Variants in ZFAND3 observed in about 807,000 individuals in gnomAD.
The protein encoded by ZFAND3 is AN1-type zinc finger protein 3.
Under a neutral mutation model 29.6 loss-of-function variants are expected in ZFAND3, and 10 were observed. The ratio of observed to expected loss-of-function variants is 0.34; its 90% CI spans 0.21 to 0.57. ZFAND3 has a LOEUF of 0.57. ZFAND3 is among the 20% of genes least tolerant of loss of function. The pLI is 0.86. For missense variants in ZFAND3, 230 were observed against 304.5 expected (o/e 0.76, Z 1.82); for synonymous variants, 128 against 112.6 (o/e 1.14, Z -0.87).
intron 2 of ZFAND3, among the ~76,000 whole-genome samples, chr6:38,054,964 G>A (rs962315811): frequency 2.6e-5 from 4 of 152,106 alleles, no homozygotes; most frequent in African/African-American, 9.7e-5. Context: ...GGTTGAGATG[G>A]GGGTGGGGGA....
At chr6:38,076,047 C>T (rs572134388) in intron 3 of ZFAND3, among the ~76,000 whole-genome samples, 27 of 152,134 alleles carry the variant, frequency 1.8e-4, no homozygotes, top group Non-Finnish European at 2.6e-4. Context: ...CCACCGATCC[C>T]GGCCTCGTTT....
At chr6:38,109,766 C>T (rs1765278745) in intron 4 of ZFAND3, among the ~76,000 whole-genome samples, 1 of 152,172 alleles carries the variant, frequency 6.6e-6, no homozygotes. Context: ...CTCCTGACTT[C>T]TGTGTGTTCT....
chr6:37,860,253 T>C (rs1446426174), intron 1 of ZFAND3, among the ~76,000 whole-genome samples: 2 of 147,256 alleles, frequency 1.4e-5, no homozygotes, highest in Non-Finnish European at 3.0e-5. Context: ...TTTTATGGAG[T>C]ACTTACATAG....
At chr6:37,912,510 C>T (rs1581755434) in intron 1 of ZFAND3, among the ~76,000 whole-genome samples, 1 of 152,128 alleles carries the variant, frequency 6.6e-6, no homozygotes, top group African/African-American at 2.4e-5. Context: ...CATGATAGTA[C>T]AAAGTATCCC....
intron 1 of ZFAND3, among the ~76,000 whole-genome samples, chr6:37,902,359 C>CG (rs1765333363): frequency 6.6e-6 from 1 of 151,760 alleles, no homozygotes; most frequent in African/African-American, 2.4e-5. Flanking sequence ...CCCAGGCACT[C>CG]GGGGGGCTGA....
At chr6:37,985,605 A>G (rs555361100) in intron 2 of ZFAND3, among the ~76,000 whole-genome samples, 1 of 152,208 alleles carries the variant, frequency 6.6e-6, no homozygotes, top group South Asian at 2.1e-4. Flanking sequence ...GCTTGAGCCC[A>G]GGAGGTTGAG....
chr6:37,856,873 T>G (rs1025226503), intron 1 of ZFAND3, among the ~76,000 whole-genome samples: 1 of 152,146 alleles, frequency 6.6e-6, no homozygotes, highest in African/African-American at 2.4e-5. Flanking sequence ...ATTTGACAAA[T>G]TATTAAAAAA....
At chr6:38,135,293 A>G (rs1446268365) in intron 5 of ZFAND3, among the ~76,000 whole-genome samples, 1 of 152,228 alleles carries the variant, frequency 6.6e-6, no homozygotes, top group East Asian at 1.9e-4. Flanking sequence ...AAAAAAACTG[A>G]AAAAGGTGGA....
chr6:37,914,036 T>G (rs911341462), intron 1 of ZFAND3, among the ~76,000 whole-genome samples: 1 of 152,080 alleles, frequency 6.6e-6, no homozygotes, highest in African/African-American at 2.4e-5. Context: ...GCAGCTATAT[T>G]CTTATGAAAT....
At chr6:37,839,415 C>T (rs1404043475) in intron 1 of ZFAND3, among the ~76,000 whole-genome samples, 1 of 152,106 alleles carries the variant, frequency 6.6e-6, no homozygotes, top group Non-Finnish European at 1.5e-5. Context: ...CTCCTGACCT[C>T]AAGTGATCTG....
At chr6:37,955,196 T>C (rs1762066652) in intron 2 of ZFAND3, among the ~76,000 whole-genome samples, 2 of 152,050 alleles carry the variant, frequency 1.3e-5, no homozygotes, top group Admixed American at 6.5e-5. Context: ...ACTGTCCTTA[T>C]CTAGTGTATT....
intron 4 of ZFAND3, among the ~76,000 whole-genome samples, chr6:38,112,795 G>A (rs902096196): frequency 6.6e-6 from 1 of 152,078 alleles, no homozygotes; most frequent in African/African-American, 2.4e-5. Context: ...TAAGCAACTC[G>A]CCCTGTGGCA....
intron 1 of ZFAND3, among the ~76,000 whole-genome samples, chr6:37,871,568 G>C (rs1175507200): frequency 6.6e-6 from 1 of 152,166 alleles, no homozygotes; most frequent in African/African-American, 2.4e-5. Flanking sequence ...TAAATTCCTT[G>C]ATAGTATTGT....
intron 3 of ZFAND3, among the ~76,000 whole-genome samples, chr6:38,081,373 G>T (rs947577938): frequency 6.6e-6 from 1 of 151,954 alleles, no homozygotes; most frequent in Non-Finnish European, 1.5e-5. Flanking sequence ...CCTTAGGTGG[G>T]CTCTCCAAGT....
chr6:37,954,154 C>G (rs1211633019), intron 2 of ZFAND3, among the ~76,000 whole-genome samples: 1 of 151,978 alleles, frequency 6.6e-6, no homozygotes, highest in Non-Finnish European at 1.5e-5. Context: ...AAAATTTTCT[C>G]TTTATGGCTG....
intron 2 of ZFAND3, among the ~76,000 whole-genome samples, chr6:38,045,054 TTTTATTTA>T (rs3047087): frequency 0.02 from 2,649 of 134,752 alleles, 37 homozygotes; most frequent in Middle Eastern, 0.055. Flanking sequence ...GTGGAAATTC[TTTTATTTA>T]TTTATTTATT....
chr6:37,888,599 A>T (rs768629959), intron 1 of ZFAND3, among the ~76,000 whole-genome samples: 5 of 152,176 alleles, frequency 3.3e-5, no homozygotes, highest in Non-Finnish European at 5.9e-5. Flanking sequence ...ATGATTAGAC[A>T]GGAGACCGAA....
At chr6:38,079,930 T>C (rs1191581028) in intron 3 of ZFAND3, among the ~76,000 whole-genome samples, 1 of 152,120 alleles carries the variant, frequency 6.6e-6, no homozygotes, top group East Asian at 1.9e-4. Context: ...TTCTCATATT[T>C]TAATCTATGG....
At chr6:38,024,288 T>C (rs1276081133) in intron 2 of ZFAND3, among the ~76,000 whole-genome samples, 2 of 151,692 alleles carry the variant, frequency 1.3e-5, no homozygotes, top group African/African-American at 2.4e-5. Context: ...CTGGCTAACA[T>C]GGTGAAACTG....
Sources: gnomAD v4.1 joint callset for allele counts (sites outside exome capture counted in the v4.1 genomes callset) on GRCh38, gnomAD v4.1.1 for gene constraint, MANE v1.5 for transcripts, NCBI Gene and HGNC (gene_info 2026-07-23, HGNC 2026-07-21) for gene names.